The following SYCP1 variants were observed in gnomAD, a reference collection of about 807,000 sequenced individuals.
The protein encoded by SYCP1 is synaptonemal complex protein 1.
SYCP1 carries 64 observed loss-of-function variants against 153.1 expected under a neutral mutation model. The ratio of observed to expected loss-of-function variants is 0.42; its 90% CI spans 0.34 to 0.51. The LOEUF is 0.51. Among genes scored for constraint, SYCP1 ranks in the 20% least tolerant of loss-of-function variants. The pLI is 0.06. For missense variants in SYCP1, 997 were observed against 1,049.0 expected (o/e 0.95, Z 0.68); for synonymous variants, 384 against 341.8 (o/e 1.12, Z -1.36).
At chr1:114,928,526 G>A (rs181371643) in intron 23 of SYCP1, among the ~76,000 whole-genome samples, 2 of 152,250 alleles carry the variant, frequency 1.3e-5, no homozygotes, top group African/African-American at 2.4e-5. Flanking sequence ...AAGGAAAATG[G>A]CATTAGATGG....
intron 23 of SYCP1, among the ~76,000 whole-genome samples, chr1:114,930,426 A>G (rs2101756668): frequency 6.6e-6 from 1 of 152,124 alleles, no homozygotes; most frequent in South Asian, 2.1e-4. Flanking sequence ...CTGACCACAA[A>G]AAAAGGGAGA....
At chr1:114,989,652 G>A (rs541404813) in intron 30 of SYCP1, among the ~76,000 whole-genome samples, 9 of 151,944 alleles carry the variant, frequency 5.9e-5, no homozygotes, top group East Asian at 1.9e-4. Context: ...TTGATAAAAC[G>A]TGAAAGAATG....
At chr1:114,941,110 G>A (rs1188172577) in intron 23 of SYCP1, among the ~76,000 whole-genome samples, 1 of 151,972 alleles carries the variant, frequency 6.6e-6, no homozygotes, top group African/African-American at 2.4e-5. Flanking sequence ...CCCCTAGTCA[G>A]CCCTGTGGAA....
intron 16 of SYCP1, among the ~76,000 whole-genome samples, chr1:114,901,480 G>A (rs868009292): frequency 6.6e-6 from 1 of 152,312 alleles, no homozygotes; most frequent in East Asian, 1.9e-4. Context: ...AAGGCAGTGC[G>A]TGGAGGGGAA....
rs1665055573 is a variant in SYCP1, at chr1:114,870,742, C to A, written c.599-3764C>A. 8.5e-5 allele frequency among the ~76,000 whole-genome samples: 13 copies of A among 152,112 alleles called. No individual in the cohort carries two copies. The South Asian group carries it at 2.7e-3, about 32-fold the overall frequency. On this transcript the variant is annotated intron_variant, in intron 8 of 31. Transcript: ENST00000369522. The stretch of plus-strand genomic sequence containing the variant: ...GTATCTTTATCCATTTACTTTTATT[C>A]TAGATGTGATTTTACATTTAAAGTG...
At chr1:114,892,466 C>A (rs559493160) in intron 15 of SYCP1, among the ~76,000 whole-genome samples, 2 of 152,268 alleles carry the variant, frequency 1.3e-5, no homozygotes, top group South Asian at 4.1e-4. Flanking sequence ...GGGCATGTGA[C>A]CCCGCTGCTG....
At chr1:114,916,900 G>C (rs370786167) in intron 20 of SYCP1, among the ~76,000 whole-genome samples, 61 of 151,682 alleles carry the variant, frequency 4.0e-4, no homozygotes, top group African/African-American at 1.4e-3. Flanking sequence ...TATAAGTATG[G>C]GGTATATAAG....
At chr1:114,993,161 G>A (rs1674040218) in intron 30 of SYCP1, among the ~76,000 whole-genome samples, 1 of 151,528 alleles carries the variant, frequency 6.6e-6, no homozygotes, top group Admixed American at 6.6e-5. Flanking sequence ...AAATTGTAAT[G>A]ATAGTTTAAA....
At chr1:114,926,902 T>C (rs1488044821) in intron 23 of SYCP1, among the ~76,000 whole-genome samples, 3 of 152,114 alleles carry the variant, frequency 2.0e-5, no homozygotes, top group Admixed American at 1.3e-4. Context: ...GGAATCTACA[T>C]TTTAAAAAGC....
chr1:114,877,269 T>C (rs1037482636), intron 11 of SYCP1, among the ~76,000 whole-genome samples: 2 of 152,192 alleles, frequency 1.3e-5, no homozygotes, highest in Admixed American at 6.5e-5. Flanking sequence ...CAGATGTTTT[T>C]TATATTCATG....
In SYCP1 at chr1:114,856,516, A is replaced by G. The variant is rs1663950119; in HGVS notation, c.109-57A>G. 4.1e-5 allele frequency: 49 copies of G among 1,189,846 alleles called. No individual in the cohort carries two copies. In the South Asian group the frequency reaches 5.9e-4, roughly 14 times the overall value. The allele number at this position is 1,189,846 out of a possible 1,614,324, so 73.7% of individuals were successfully genotyped here. ...ATATTACATATGTATATATTACACT[A>G]TTAGTATATCAGAGTGGTATGAAAC... On this transcript the variant is annotated intron_variant, in intron 2 of 31. Transcript: ENST00000369522.
chr1:114,877,244 T>C (rs1665604548), intron 11 of SYCP1, among the ~76,000 whole-genome samples: 1 of 152,172 alleles, frequency 6.6e-6, no homozygotes, highest in African/African-American at 2.4e-5. Context: ...TTTTTTAGCC[T>C]AAGAAAACAA....
intron 16 of SYCP1, among the ~76,000 whole-genome samples, chr1:114,908,451 T>C (rs975063132): frequency 2.6e-5 from 4 of 152,284 alleles, no homozygotes; most frequent in South Asian, 4.1e-4. Flanking sequence ...TTCTGCCCTA[T>C]TTTTGCTGTC....
At chr1:114,926,031 TG>T (rs1348304593) in intron 21 of SYCP1, among the ~76,000 whole-genome samples, 4 of 152,046 alleles carry the variant, frequency 2.6e-5, no homozygotes, top group Non-Finnish European at 5.9e-5. Context: ...CCCAGCACTT[TG>T]GGAGGCTGGG....
chr1:114,943,408 C>A (rs1341358338), intron 23 of SYCP1, among the ~76,000 whole-genome samples: 1 of 151,722 alleles, frequency 6.6e-6, no homozygotes, highest in Non-Finnish European at 1.5e-5. Context: ...CACTACTCAG[C>A]AGTGAAAATG....
intron 23 of SYCP1, among the ~76,000 whole-genome samples, chr1:114,930,411 C>A (rs1027327385): frequency 6.6e-6 from 1 of 151,660 alleles, no homozygotes; most frequent in African/African-American, 2.4e-5. Context: ...TAAGCCCTAG[C>A]AGAACTGACC....
intron 29 of SYCP1, among the ~76,000 whole-genome samples, chr1:114,983,053 A>G (rs990233936): frequency 1.3e-5 from 2 of 151,964 alleles, no homozygotes; most frequent in African/African-American, 4.8e-5. Flanking sequence ...ATCTTTGTCA[A>G]AGGTCTCTAT....
chr1:114,948,413 T>G (rs533522570), intron 27 of SYCP1, among the ~76,000 whole-genome samples: 4 of 152,332 alleles, frequency 2.6e-5, no homozygotes, highest in Non-Finnish European at 4.4e-5. Context: ...CCTAGGTCTA[T>G]TTTTGCATGG....
At chr1:114,956,355 T>C (rs2101865553) in intron 27 of SYCP1, among the ~76,000 whole-genome samples, 1 of 152,286 alleles carries the variant, frequency 6.6e-6, no homozygotes, top group South Asian at 2.1e-4. Flanking sequence ...TCCAATGGGA[T>C]AGGCATTCCA....
Sources: gnomAD v4.1 joint callset for allele counts (sites outside exome capture counted in the v4.1 genomes callset) on GRCh38, gnomAD v4.1.1 for gene constraint, MANE v1.5 for transcripts, NCBI Gene and HGNC (gene_info 2026-07-23, HGNC 2026-07-21) for gene names.